CUBN: variants seen among roughly 807,000 people sequenced by gnomAD.
The protein encoded by CUBN is cubilin.
In CUBN, 282 loss-of-function variants were observed where a neutral mutation model predicts 405.3. The ratio of observed to expected loss-of-function variants is 0.70; its 90% CI spans 0.63 to 0.77. The LOEUF (loss-of-function observed/expected upper bound fraction) is 0.77, where lower values mean the gene tolerates loss of function less well. Among genes scored for constraint, CUBN ranks in the 30% least tolerant of loss-of-function variants. The pLI is 0.00. For missense variants in CUBN, 4,514 were observed against 4,475.2 expected (o/e 1.01, Z -0.25); for synonymous variants, 1,684 against 1,617.0 (o/e 1.04, Z -0.99).
intron 6 of CUBN, among the ~76,000 whole-genome samples, chr10:17,119,159 T>G (rs1773124891): frequency 6.6e-6 from 1 of 152,246 alleles, no homozygotes. Context: ...TTATCCTCAT[T>G]GTTTAAACTC....
intron 56 of CUBN, among the ~76,000 whole-genome samples, chr10:16,885,727 C>G (rs1840792429): frequency 6.6e-6 from 1 of 152,130 alleles, no homozygotes; most frequent in South Asian, 2.1e-4. Flanking sequence ...ATCAGCATTG[C>G]TTTCTGTGGC....
intron 31 of CUBN, among the ~76,000 whole-genome samples, chr10:16,957,904 A>G (rs1843114165): frequency 6.6e-6 from 1 of 151,906 alleles, no homozygotes; most frequent in African/African-American, 2.4e-5. Context: ...TCAAAAAAAA[A>G]AAAAAGAAAA....
At chr10:16,955,816 G>C (rs1043821240) in intron 31 of CUBN, among the ~76,000 whole-genome samples, 3 of 152,060 alleles carry the variant, frequency 2.0e-5, no homozygotes, top group Admixed American at 1.3e-4. Context: ...TTCCTAAGAG[G>C]GAGCAGGTCA....
chr10:17,104,454 AGAC>A lies in CUBN; in HGVS notation c.1379_1381del (p.Arg460del). The A allele has an allele frequency of 1.2e-6, 2 of 1,614,086 alleles. No individual in the cohort carries two copies. The highest frequency in any genetic ancestry group is 2.7e-5 in the African/African-American group (2 of 75,012). Reference sequence around the variant, plus strand: ...AACCTGACAGAGAGCTCCAGTCCAGAGACGTGTGCATTCACAACTGAAAGAATC... The same window carrying A: ...AACCTGACAGAGAGCTCCAGTCCAGAGTGTGCATTCACAACTGAAAGAATC... On this transcript the variant is annotated inframe_deletion, in exon 12 of 67. Coordinates refer to ENST00000377833, the MANE Select transcript of CUBN (RefSeq NM_001081.4).
At chr10:16,975,531 G>C (rs984809711) in intron 31 of CUBN, among the ~76,000 whole-genome samples, 1 of 151,948 alleles carries the variant, frequency 6.6e-6, no homozygotes, top group Non-Finnish European at 1.5e-5. Context: ...CCATGCAGAC[G>C]AGGGAGGAAA....
chr10:16,914,595 G>A lies in CUBN; in HGVS notation c.7351+437C>T, dbSNP rs576173185. Among the ~76,000 whole-genome samples the A allele has an allele frequency of 2.6e-5, 4 of 151,384 alleles. No individual in the cohort carries two copies. In the East Asian group the frequency reaches 5.8e-4, roughly 22 times the overall value. The stretch of plus-strand genomic sequence containing the variant: ...AAAAAAGAATCAAGAAAATTGGCCA[G>A]CAGTGGTGGCTCACACCTGTAACCC... On this transcript the variant is annotated intron_variant, in intron 47 of 66. Transcript: ENST00000377833.
In CUBN at chr10:16,890,546, G is replaced by C; in HGVS notation, c.8599-19C>G. On this transcript the variant is annotated intron_variant, in intron 54 of 66. Transcript: ENST00000377833. ...CCCACACCTAGCACGGACATACACAGAACTTTAATGCTCAAGGGTTTCCCA... is the reference window on the plus strand; with the variant it reads ...CCCACACCTAGCACGGACATACACACAACTTTAATGCTCAAGGGTTTCCCA... The C allele has an allele frequency of 6.2e-7, 1 of 1,613,914 alleles. No individual in the cohort carries two copies. Among genetic ancestry groups the C allele is most frequent in the Non-Finnish European group, 8.5e-7 (1 of 1,179,886 alleles).
In CUBN at chr10:16,874,435, G is replaced by T; in HGVS notation, c.9175C>A (p.Pro3059Thr). The T allele has an allele frequency of 6.2e-7, 1 of 1,613,994 alleles. No individual in the cohort carries two copies. The highest frequency in any genetic ancestry group is 8.5e-7 in the Non-Finnish European group (1 of 1,179,910). ...TSPAYSYADY[P>T]NDMHCLYTIT... The stretch of plus-strand genomic sequence containing the variant: ...GTATACAGACAGTGCATATCATTTG[G>T]GTAGTCTGCGTATGAATAGGCAGGA... Residue 3059 changes from proline to threonine, a missense_variant, in exon 58 of 67, where the codon CCA becomes ACA. Physicochemically the swap from Pro to Thr is conservative, Grantham distance 38. Coordinates refer to ENST00000377833, the MANE Select transcript of CUBN (RefSeq NM_001081.4).
Position 16,828,985 on chromosome 10 carries a change from T to G in CUBN, c.10584A>C (p.Pro3528=). ...DRGSFTSPGY[P]GTYPNNTYCE... ...AGTACGTGTTGTTTGGGTATGTGCCTGGATAGCCGGGGCTGGTGAATGAGC... is the reference window on the plus strand; with the variant it reads ...AGTACGTGTTGTTTGGGTATGTGCCGGGATAGCCGGGGCTGGTGAATGAGC... The change falls in exon 66 of 67, where the codon CCA becomes CCC. Residue 3528 remains proline, a synonymous_variant. Transcript: ENST00000377833. 3 of 1,614,158 alleles carry G rather than the reference T, an allele frequency of 1.9e-6. No individual in the cohort carries two copies. The highest frequency in any genetic ancestry group is 2.5e-6 in the Non-Finnish European group (3 of 1,180,032).
intron 27 of CUBN, among the ~76,000 whole-genome samples, chr10:17,020,537 T>C (rs952842926): frequency 6.6e-6 from 1 of 152,112 alleles, no homozygotes; most frequent in Admixed American, 6.6e-5. Context: ...ATTTTAGAAA[T>C]ATATGAAAAA....
At chr10:16,882,200 C>T (rs1840682456) in intron 56 of CUBN, among the ~76,000 whole-genome samples, 1 of 152,190 alleles carries the variant, frequency 6.6e-6, no homozygotes, top group South Asian at 2.1e-4. Context: ...GGAAGAGAAG[C>T]ACCCTGAAAT....
At chr10:17,103,419 T>C (rs1020882735) in intron 12 of CUBN, among the ~76,000 whole-genome samples, 182 bp from the exon 13 acceptor site, 11 of 152,204 alleles carry the variant, frequency 7.2e-5, no homozygotes, top group African/African-American at 2.4e-4. Flanking sequence ...ATCCCACCTC[T>C]TGTTCAAAGC....
chr10:17,122,747 G>T, intron 6 of CUBN, 48 bp downstream of exon 6: 1 of 1,049,868 alleles, frequency 9.5e-7, no homozygotes, highest in Non-Finnish European at 1.4e-6. Context: ...GATGTTTTAG[G>T]CCTTCAAAAA....
intron 60 of CUBN, among the ~76,000 whole-genome samples, chr10:16,849,417 G>A (rs891685840): frequency 1.3e-5 from 2 of 152,112 alleles, no homozygotes; most frequent in African/African-American, 4.8e-5. Flanking sequence ...ATGGAAGGAA[G>A]GCTCTTTGCT....
rs549306879 is a variant in CUBN at position 16,850,046 on chromosome 10, T to C, written c.9663+1189A>G. Among the ~76,000 whole-genome samples the C allele has an allele frequency of 3.3e-5, 5 of 152,366 alleles. No homozygotes were observed. In the East Asian group the frequency reaches 7.7e-4, roughly 23 times the overall value. ...TTACGCTTTCGAGAACATGCACGTA[T>C]CAATTCCTATGCCTTTTTGAAAATG... On this transcript the variant is annotated intron_variant, in intron 60 of 66. Transcript: ENST00000377833.
chr10:16,988,734 C>T (rs771436186), intron 29 of CUBN, among the ~76,000 whole-genome samples: 5 of 152,056 alleles, frequency 3.3e-5, no homozygotes, highest in Admixed American at 6.6e-5. Flanking sequence ...CTATTCATAT[C>T]GACCCCTTGC....
At chr10:17,058,119 CA>C (rs1041440207) in intron 22 of CUBN, among the ~76,000 whole-genome samples, 6 of 145,906 alleles carry the variant, frequency 4.1e-5, no homozygotes, top group Admixed American at 6.8e-5. Context: ...GACTCCGTCT[CA>C]AAAAAAAAAG....
rs1834851605 is a variant in CUBN at position 17,034,464 on chromosome 10, C to A, written c.4017+6569G>T. Among the ~76,000 whole-genome samples, 2 of 152,074 alleles carry A rather than the reference C, an allele frequency of 1.3e-5. 1 individual carries two copies. The highest frequency in any genetic ancestry group is 4.1e-4 in the South Asian group (2 of 4,822). The stretch of plus-strand genomic sequence containing the variant: ...GATGCCTATTAAGATACTTTTCCCT[C>A]CCCAGGAGAGAGCATTGAAGTGAGG... On this transcript the variant is annotated intron_variant, in intron 27 of 66. Transcript: ENST00000377833.
rs1280165323 is a variant in CUBN at position 17,126,862 on chromosome 10, T to G, written c.349-63A>C. 4 of 1,538,670 alleles carry G rather than the reference T, an allele frequency of 2.6e-6. No homozygotes were observed. In the Admixed American group the frequency reaches 6.7e-5, roughly 26 times the overall value. The stretch of plus-strand genomic sequence containing the variant: ...CAAAGGCATTGCACATGTGATGTTA[T>G]ATCCTTGACATATTGTCCTAATGCC... On this transcript the variant is annotated intron_variant, in intron 3 of 66. Coordinates refer to ENST00000377833, the MANE Select transcript of CUBN (RefSeq NM_001081.4).
Sources: gnomAD v4.1 joint callset for allele counts (sites outside exome capture counted in the v4.1 genomes callset) on GRCh38, gnomAD v4.1.1 for gene constraint, MANE v1.5 for transcripts, NCBI Gene and HGNC (gene_info 2026-07-23, HGNC 2026-07-21) for gene names.